The following MAML3 variants were observed in gnomAD, a reference collection of about 807,000 sequenced individuals.
MAML3 encodes the protein mastermind like transcriptional coactivator 3.
Under a neutral mutation model 101.9 loss-of-function variants are expected in MAML3, and 27 were observed. The observed-to-expected ratio is 0.27, with a 90% CI of 0.20 to 0.37. The LOEUF is 0.37. MAML3 is among the 10% of genes least tolerant of loss of function. The pLI is 1.00. For synonymous variants in MAML3, 501 were observed against 555.9 expected, an observed-to-expected ratio of 0.90 and a Z score of 1.39; for missense variants, 1,316 against 1,444.9, an observed-to-expected ratio of 0.91 and a Z score of 1.45.
chr4:139,994,953 T>C, intron 1 of MAML3, among the ~76,000 whole-genome samples: 1 of 152,218 alleles, frequency 6.6e-6, no homozygotes, highest in East Asian at 1.9e-4. Flanking sequence ...ATAAACACCC[T>C]TTACTTTTTC....
chr4:140,139,273 C>CTTTTT (rs951283789), intron 1 of MAML3, among the ~76,000 whole-genome samples: 1 of 151,432 alleles, frequency 6.6e-6, no homozygotes. Context: ...TCCCTGTTGT[C>CTTTTT]TTTTTTTTTC....
chr4:140,135,797 C>T (rs1333402163), intron 1 of MAML3, among the ~76,000 whole-genome samples: 1 of 152,248 alleles, frequency 6.6e-6, no homozygotes, highest in Admixed American at 6.5e-5. Context: ...ATGTGCTGCA[C>T]AGCTGTCAGC....
chr4:139,844,607 T>C (rs1339657510), intron 2 of MAML3, among the ~76,000 whole-genome samples: 1 of 152,230 alleles, frequency 6.6e-6, no homozygotes, highest in Non-Finnish European at 1.5e-5. Context: ...CAGAGCAGTG[T>C]GTACTGCTCT....
intron 1 of MAML3, among the ~76,000 whole-genome samples, chr4:140,085,698 C>T (rs1727941188): frequency 6.6e-6 from 1 of 152,250 alleles, no homozygotes; most frequent in Admixed American, 6.5e-5. Flanking sequence ...GTCTCTCACA[C>T]AAGAGCATGC....
At position 140,153,258 on chromosome 4, in the gene MAML3, T is replaced by G; in HGVS notation, c.70A>C (p.Ser24Arg). ...CCGATCCCGGCCCCGCCGAGGCTGC[T>G]GTTCAGGCTACTGTTGATGCAAATA... ...SSICINSSLNSSLGGAGIGVN... is the reference protein window; with the variant it reads ...SSICINSSLNRSLGGAGIGVN... The change falls in exon 1 of 5, where the codon AGC becomes CGC. Residue 24 changes from serine to arginine, a missense_variant. Transcript: ENST00000509479. 6.2e-7 allele frequency: 1 copy of G among 1,608,110 alleles called. No individual in the cohort carries two copies. Among genetic ancestry groups the G allele is most frequent in the Non-Finnish European group, 8.5e-7 (1 of 1,177,518 alleles).
chr4:140,097,474 A>G (rs1195546694), intron 1 of MAML3, among the ~76,000 whole-genome samples: 1 of 152,128 alleles, frequency 6.6e-6, no homozygotes, highest in Non-Finnish European at 1.5e-5. Flanking sequence ...AAGTAAATCC[A>G]AAGAAGGGAA....
At chr4:139,949,009 AT>A (rs953165771) in intron 1 of MAML3, among the ~76,000 whole-genome samples, 207 of 150,364 alleles carry the variant, frequency 1.4e-3, no homozygotes, top group African/African-American at 4.0e-3. Flanking sequence ...GGTAGTAGAA[AT>A]TTTTTTTTTC....
At chr4:139,759,990 C>T (rs1217028458) in intron 2 of MAML3, among the ~76,000 whole-genome samples, 2 of 152,172 alleles carry the variant, frequency 1.3e-5, no homozygotes, top group African/African-American at 4.8e-5. Context: ...AGGGGAATGC[C>T]ACATATGTGA....
At chr4:139,806,768 A>T (rs1205674199) in intron 2 of MAML3, among the ~76,000 whole-genome samples, 2 of 152,244 alleles carry the variant, frequency 1.3e-5, no homozygotes, top group Non-Finnish European at 2.9e-5. Flanking sequence ...GGTTTTATAA[A>T]GAATGTTAAA....
chr4:140,092,614 C>T (rs1728079668), intron 1 of MAML3, among the ~76,000 whole-genome samples: 1 of 152,214 alleles, frequency 6.6e-6, no homozygotes, highest in Non-Finnish European at 1.5e-5. Flanking sequence ...CAGCCAATTA[C>T]TGCTGTCATT....
intron 1 of MAML3, among the ~76,000 whole-genome samples, chr4:140,127,453 T>C (rs761636537): frequency 2.6e-5 from 4 of 152,200 alleles, no homozygotes; most frequent in Non-Finnish European, 4.4e-5. Context: ...TGGACTCACA[T>C]TGATAGTCAC....
intron 2 of MAML3, among the ~76,000 whole-genome samples, chr4:139,821,513 G>A (rs531035924): frequency 3.3e-5 from 5 of 152,194 alleles, no homozygotes; most frequent in South Asian, 2.1e-4. Context: ...AAAAATTGTC[G>A]TCTAGGAAAC....
At chr4:139,793,865 G>C (rs749668664) in intron 2 of MAML3, among the ~76,000 whole-genome samples, 2 of 152,106 alleles carry the variant, frequency 1.3e-5, no homozygotes, top group Non-Finnish European at 2.9e-5. Context: ...ACAGCCCTAG[G>C]AGAATATTAT....
At chr4:140,050,550 C>T (rs1306509822) in intron 1 of MAML3, among the ~76,000 whole-genome samples, 6 of 151,422 alleles carry the variant, frequency 4.0e-5, no homozygotes, top group African/African-American at 1.2e-4. Flanking sequence ...CTCCCAGGTT[C>T]TCCAAAGCAG....
chr4:140,129,464 T>C (rs1334202731), intron 1 of MAML3, among the ~76,000 whole-genome samples: 3 of 152,200 alleles, frequency 2.0e-5, no homozygotes, highest in Non-Finnish European at 4.4e-5. Context: ...TGATTTCAGC[T>C]GCAGCACATA....
intron 1 of MAML3, among the ~76,000 whole-genome samples, chr4:140,037,651 T>G (rs190694530): frequency 6.6e-6 from 1 of 152,304 alleles, no homozygotes; most frequent in East Asian, 1.9e-4. Context: ...CTAGTGTTAG[T>G]TATACAGCTA....
intron 1 of MAML3, among the ~76,000 whole-genome samples, chr4:140,072,489 A>C (rs1044593499): frequency 6.6e-6 from 1 of 151,936 alleles, no homozygotes. Context: ...TGACCAACAT[A>C]AAGAAACCTC....
intron 1 of MAML3, among the ~76,000 whole-genome samples, chr4:139,950,338 C>T (rs1245174530): frequency 6.6e-6 from 1 of 152,182 alleles, no homozygotes; most frequent in African/African-American, 2.4e-5. Flanking sequence ...CCATGCCTGG[C>T]CAATATTAAC....
At chr4:139,731,195 C>T (rs920743253) in intron 2 of MAML3, 3 of 160,580 alleles carry the variant, frequency 1.9e-5, no homozygotes, top group African/African-American at 7.2e-5. Context: ...CATTTGAGAG[C>T]TTAGATATAT....
Sources: gnomAD v4.1 joint callset for allele counts (sites outside exome capture counted in the v4.1 genomes callset) on GRCh38, gnomAD v4.1.1 for gene constraint, MANE v1.5 for transcripts, NCBI Gene and HGNC (gene_info 2026-07-23, HGNC 2026-07-21) for gene names.